LHB: variants seen among roughly 807,000 people sequenced by gnomAD.
LHB encodes luteinizing hormone subunit beta.
In LHB, 11 loss-of-function variants were observed where a neutral mutation model predicts 10.6. The ratio of observed to expected loss-of-function variants is 1.04; its 90% CI spans 0.66 to 1.72. The LOEUF (loss-of-function observed/expected upper bound fraction) is 1.72. Among genes scored for constraint, LHB ranks in the 40% most tolerant of loss-of-function variants. The pLI is 0.00. For missense variants in LHB, 184 were observed against 197.3 expected (o/e 0.93, Z 0.41); for synonymous variants, 86 against 83.1 (o/e 1.03, Z -0.19).
At chr19:49,018,355 C>T, upstream of LHB, 3 of 1,217,458 alleles carry the variant, frequency 2.5e-6, no homozygotes, top group Non-Finnish European at 3.1e-6. Flanking sequence ...GGGAGCAGGG[C>T]GGGATGGTGA....
At chr19:49,018,922 G>A, upstream of LHB, 1 of 1,534,506 alleles carries the variant, frequency 6.5e-7, no homozygotes, top group Non-Finnish European at 8.7e-7. Context: ...TAGAGCTGGC[G>A]GCGGTCCAGG....
chr19:49,018,941 G>A (rs1162283430), upstream of LHB: 3 of 1,534,426 alleles, frequency 2.0e-6, no homozygotes, highest in Non-Finnish European at 2.6e-6. Flanking sequence ...GGACGCCCCG[G>A]TCGGATACTG....
upstream of LHB, chr19:49,019,477 C>T (rs1308489881): frequency 2.4e-5 from 30 of 1,236,660 alleles, no homozygotes; most frequent in South Asian, 3.6e-5. Context: ...GTTTGTAGTC[C>T]CTGGTCCTTC....
chr19:49,018,988 A>C (rs2039597989), upstream of LHB: 7 of 1,533,282 alleles, frequency 4.6e-6, no homozygotes, highest in Non-Finnish European at 3.5e-6. Flanking sequence ...TTCTTCGTCC[A>C]GGCAATTAGA....
upstream of LHB, chr19:49,019,060 C>T (rs563963010): frequency 3.4e-5 from 50 of 1,471,016 alleles, no homozygotes; most frequent in African/African-American, 8.5e-5. Flanking sequence ...CCATCCCAAG[C>T]CCTGGGTCCC....
chr19:49,017,471 G>T (rs1268375441), upstream of LHB: 23 of 1,154,326 alleles, frequency 2.0e-5, no homozygotes, highest in Non-Finnish European at 9.8e-6. Context: ...CTCCACTTGA[G>T]GCTTTCCTGC....
intron 1 of LHB, 105 bp from the exon 2 acceptor site, chr19:49,016,819 C>CT (rs2039563236): frequency 1.3e-6 from 2 of 1,584,668 alleles, no homozygotes; most frequent in African/African-American, 2.7e-5. Context: ...AGACCCTTCC[C>CT]GGCATCTCCT....
In LHB at chr19:49,016,254, A is replaced by G. The variant is rs147247585; in HGVS notation, c.240T>C (p.Arg80=). Residue 80 remains arginine, a synonymous_variant, in exon 3 of 3, where the codon CGT becomes CGC. Coordinates refer to ENST00000649238, the MANE Select transcript of LHB (RefSeq NM_000894.3). The part of the protein sequence containing the change: ...PPLPQVVCTY[R]DVRFESIRLP... ...GCCGGATGGACTCGAAGCGCACATC[A>G]CGGTAGGTGCACACCACCTGAGGCA... 475 of 1,612,404 alleles carry G rather than the reference A, an allele frequency of 2.9e-4. No individual in the cohort carries two copies. Among genetic ancestry groups the G allele is most frequent in the East Asian group, 2.1e-3 (93 of 44,868 alleles).
chr19:49,018,877 G>A (rs2039596762), upstream of LHB: 5 of 1,533,934 alleles, frequency 3.3e-6, no homozygotes, highest in Middle Eastern at 2.2e-4. Flanking sequence ...GCTTACTTGG[G>A]ATAGAACCGA....
At chr19:49,018,046 C>T, upstream of LHB, 1 of 398,718 alleles carries the variant, frequency 2.5e-6, no homozygotes, top group East Asian at 3.6e-5. Flanking sequence ...AGATGCCCCG[C>T]AGGGGCTTCC....
upstream of LHB, chr19:49,019,498 T>A: frequency 8.7e-7 from 1 of 1,155,736 alleles, no homozygotes; most frequent in Non-Finnish European, 1.1e-6. Flanking sequence ...TGGCCTGGCC[T>A]AATGCCCAGC....
chr19:49,019,166 A>G, upstream of LHB: 1 of 1,412,020 alleles, frequency 7.1e-7, no homozygotes. Flanking sequence ...CACCCACGCC[A>G]GGGAACTTCA....
At chr19:49,016,483 C>T (rs2039555774) in intron 2 of LHB, 64 bp downstream of exon 2, 8 of 1,603,838 alleles carry the variant, frequency 5.0e-6, no homozygotes, top group Admixed American at 1.7e-5. Context: ...CCCTTCCTCC[C>T]CCGCTGCCTC....
upstream of LHB, chr19:49,018,930 A>C: frequency 6.5e-7 from 1 of 1,534,484 alleles, no homozygotes; most frequent in East Asian, 2.4e-5. Flanking sequence ...GCGGCGGTCC[A>C]GGACGCCCCG....
At chr19:49,019,173 T>G (rs2039599329), upstream of LHB, 1 of 1,411,022 alleles carries the variant, frequency 7.1e-7, no homozygotes, top group Admixed American at 3.0e-5. Flanking sequence ...GCCAGGGAAC[T>G]TCAGCTTCCT....
rs367955056 is a variant in LHB, at chr19:49,016,200, G to A, written c.294C>T (p.Pro98=). The A allele has an allele frequency of 1.9e-6, 3 of 1,612,686 alleles. No individual in the cohort carries two copies. Among genetic ancestry groups the A allele is most frequent in the Admixed American group, 1.7e-5 (1 of 60,022 alleles). Residue 98 remains proline (P), a synonymous_variant, in exon 3 of 3, where the codon CCC becomes CCT. Transcript: ENST00000649238. ...TGAGAGCCACAGGGAAGGAGACCAC[G>A]GGGTCCACACCACGCGGGCAGCCAG... ...RLPGCPRGVD[P]VVSFPVALSC...
At chr19:49,017,638 C>T (rs538445569), upstream of LHB, 124 of 943,930 alleles carry the variant, frequency 1.3e-4, 1 homozygote, top group African/African-American at 2.0e-3. Context: ...TTAGGGACCT[C>T]CGCCCACCCT....
In LHB at chr19:49,016,058, G is replaced by A. The variant is rs1233943773; in HGVS notation, c.*10C>T. ...GTCGGGATGGACTTGGAAGGCTGCG[G>A]GGAGGGTCTTTAGAGGAAGAGGAGG... On this transcript the variant is annotated 3_prime_UTR_variant, in exon 3 of 3. Transcript: ENST00000649238. The A allele has an allele frequency of 3.1e-6, 5 of 1,613,664 alleles. No homozygotes were observed. Among genetic ancestry groups the A allele is most frequent in the East Asian group, 2.2e-5 (1 of 44,900 alleles).
At chr19:49,016,762 G>C (rs2039561545) in intron 1 of LHB, 48 bp from the exon 2 acceptor site, 1 of 1,605,798 alleles carries the variant, frequency 6.2e-7, no homozygotes, top group African/African-American at 1.3e-5. Flanking sequence ...GCAGCCCCGA[G>C]TCCTGGCCTT....
Sources: gnomAD v4.1 joint callset for allele counts on GRCh38, gnomAD v4.1.1 for gene constraint, MANE v1.5 for transcripts, NCBI Gene and HGNC (gene_info 2026-07-23, HGNC 2026-07-21) for gene names.